Variants in ROBO2 observed in about 807,000 individuals in gnomAD.
ROBO2 encodes roundabout homolog 2.
ROBO2 carries 53 observed loss-of-function variants against 160.8 expected under a neutral mutation model. That is an observed-to-expected ratio of 0.33 (90% CI 0.26 to 0.41). The LOEUF (loss-of-function observed/expected upper bound fraction) is 0.41. ROBO2 is among the 10% of genes least tolerant of loss of function. ROBO2 has a pLI of 1.00. For synonymous variants in ROBO2, 664 were observed against 611.7 expected, an observed-to-expected ratio of 1.09 and a Z score of -1.26; for missense variants, 1,577 against 1,722.4, an observed-to-expected ratio of 0.92 and a Z score of 1.49.
chr3:76,602,773 T>C (rs1426728291), intron 2 of ROBO2, among the ~76,000 whole-genome samples: 1 of 151,576 alleles, frequency 6.6e-6, no homozygotes, highest in Non-Finnish European at 1.5e-5. Context: ...GAGATTTGGG[T>C]GGGGACTCCC....
intron 2 of ROBO2, among the ~76,000 whole-genome samples, chr3:76,746,593 A>C (rs1444300178): frequency 6.6e-6 from 1 of 152,136 alleles, no homozygotes; most frequent in Non-Finnish European, 1.5e-5. Context: ...AGTGATGGTG[A>C]GCATTTAATC....
rs114484013 is a variant in ROBO2, at chr3:76,541,584, C to A, written c.110-556430C>A. 2.6e-5 allele frequency among the ~76,000 whole-genome samples: 4 copies of A among 152,178 alleles called. No individual in the cohort carries two copies. The East Asian group carries it at 5.8e-4, about 22-fold the overall frequency. On this transcript the variant is annotated intron_variant, in intron 2 of 26. Transcript: ENST00000487694. Reference sequence around the variant, plus strand: ...GTGAGAATTGGCATAGGAGAGCCCACAGCCTTCAGATGGCAAAGAGAGAAG... The same window carrying A: ...GTGAGAATTGGCATAGGAGAGCCCAAAGCCTTCAGATGGCAAAGAGAGAAG...
At chr3:76,457,352 A>G (rs2077819870) in intron 2 of ROBO2, among the ~76,000 whole-genome samples, 1 of 152,236 alleles carries the variant, frequency 6.6e-6, no homozygotes, top group Non-Finnish European at 1.5e-5. Context: ...CCAGCGGTGC[A>G]GTCAAACTTT....
intron 2 of ROBO2, among the ~76,000 whole-genome samples, chr3:75,959,474 ACAGCG>A (rs1948832268): frequency 1.3e-5 from 2 of 151,762 alleles, no homozygotes; most frequent in Non-Finnish European, 2.9e-5. Flanking sequence ...GGATGGAGCT[ACAGCG>A]TAAAACATCT....
intron 24 of ROBO2, among the ~76,000 whole-genome samples, chr3:77,641,297 G>A (rs1377066215): frequency 6.6e-6 from 1 of 152,144 alleles, no homozygotes; most frequent in Non-Finnish European, 1.5e-5. Flanking sequence ...AACTGGCAAT[G>A]CTGCTCCAAC....
At chr3:76,806,588 G>T (rs1576743795) in intron 2 of ROBO2, among the ~76,000 whole-genome samples, 1 of 151,876 alleles carries the variant, frequency 6.6e-6, no homozygotes, top group South Asian at 2.1e-4. Flanking sequence ...CTGAAATAAG[G>T]CACTTCAGCT....
intron 2 of ROBO2, among the ~76,000 whole-genome samples, chr3:76,976,478 T>C (rs138882704): frequency 2.9e-4 from 44 of 152,316 alleles, no homozygotes; most frequent in African/African-American, 1.0e-3. Context: ...GCATTTTCTG[T>C]TTAATCTTTA....
chr3:76,027,545 C>T (rs1036560687), intron 2 of ROBO2, among the ~76,000 whole-genome samples: 56 of 151,892 alleles, frequency 3.7e-4, no homozygotes, highest in African/African-American at 1.3e-3. Flanking sequence ...TCCTGAGATC[C>T]CAGTTCTAAT....
intron 2 of ROBO2, among the ~76,000 whole-genome samples, chr3:76,465,720 AT>A (rs555617463): frequency 2.6e-5 from 4 of 151,942 alleles, no homozygotes; most frequent in Non-Finnish European, 4.4e-5. Context: ...ATGCTATCAT[AT>A]TTTTCCAGTC....
At chr3:76,542,227 T>C (rs2082858219) in intron 2 of ROBO2, among the ~76,000 whole-genome samples, 1 of 152,190 alleles carries the variant, frequency 6.6e-6, no homozygotes, top group Non-Finnish European at 1.5e-5. Context: ...TGTTATTGAT[T>C]GCTGGGCCAA....
At position 76,689,885 on chromosome 3, in the gene ROBO2, T is replaced by C. The variant is rs76667679; in HGVS notation, c.110-408129T>C. 2.0e-3 allele frequency among the ~76,000 whole-genome samples: 308 copies of C among 152,312 alleles called. 1 individual carries two copies. Among genetic ancestry groups the C allele is most frequent in the Non-Finnish European group, 3.3e-3 (226 of 68,030 alleles). Reference sequence around the variant, plus strand: ...CAATTTCTGACCTTTCTTTACTCTTTGCTTACGTTTCCCAACATGTAACAT... The same window carrying C: ...CAATTTCTGACCTTTCTTTACTCTTCGCTTACGTTTCCCAACATGTAACAT... On this transcript the variant is annotated intron_variant, in intron 2 of 26. Coordinates refer to the ROBO2 transcript ENST00000487694.
chr3:76,284,615 C>G (rs140586596), intron 2 of ROBO2, among the ~76,000 whole-genome samples: 2,126 of 152,158 alleles, frequency 0.014, 41 homozygotes, highest in Admixed American at 0.039. Flanking sequence ...TACTATTTTT[C>G]AATTGCTTTC....
intron 2 of ROBO2, among the ~76,000 whole-genome samples, chr3:76,410,236 A>AT (rs1410134416): frequency 6.6e-6 from 1 of 151,952 alleles, no homozygotes; most frequent in East Asian, 1.9e-4. Context: ...GTTCTTTGTG[A>AT]TTTTTTTAGA....
intron 2 of ROBO2, among the ~76,000 whole-genome samples, chr3:76,736,006 G>A (rs555298750): frequency 1.7e-4 from 26 of 151,682 alleles, no homozygotes; most frequent in Admixed American, 2.6e-4. Context: ...TACAAAGGCC[G>A]GGCGCGGTGG....
At chr3:77,059,523 A>G (rs1013534949) in intron 1 of ROBO2, among the ~76,000 whole-genome samples, 6 of 152,238 alleles carry the variant, frequency 3.9e-5, no homozygotes, top group Admixed American at 1.3e-4. Flanking sequence ...AATTTTGGTT[A>G]CAGTGGAAAG....
intron 2 of ROBO2, among the ~76,000 whole-genome samples, chr3:76,670,244 A>C (rs1401405283): frequency 6.6e-6 from 1 of 151,722 alleles, no homozygotes; most frequent in Non-Finnish European, 1.5e-5. Flanking sequence ...TGTGTATTTT[A>C]GCTTTTATAC....
At chr3:76,557,528 G>T (rs1421341965) in intron 2 of ROBO2, among the ~76,000 whole-genome samples, 1 of 150,656 alleles carries the variant, frequency 6.6e-6, no homozygotes, top group South Asian at 2.1e-4. Flanking sequence ...GTTAAATTGT[G>T]CCTCAGTTGG....
chr3:77,478,587 T>G (rs2084317094), intron 3 of ROBO2, among the ~76,000 whole-genome samples: 1 of 152,322 alleles, frequency 6.6e-6, no homozygotes, highest in East Asian at 1.9e-4. Flanking sequence ...CCCACAGAAA[T>G]AGTATGTAAT....
intron 1 of ROBO2, among the ~76,000 whole-genome samples, chr3:77,048,985 T>C (rs574938255): frequency 6.6e-6 from 1 of 152,196 alleles, no homozygotes; most frequent in Non-Finnish European, 1.5e-5. Context: ...CAAGTACTTC[T>C]GTTTAATGTT....
Sources: gnomAD v4.1 joint callset for allele counts (sites outside exome capture counted in the v4.1 genomes callset) on GRCh38, gnomAD v4.1.1 for gene constraint, MANE v1.5 for transcripts, NCBI Gene and HGNC (gene_info 2026-07-23, HGNC 2026-07-21) for gene names.